Variants in PPP1R14C observed in about 807,000 individuals in gnomAD.
PPP1R14C encodes protein phosphatase 1 regulatory subunit 14C.
PPP1R14C carries 16 observed loss-of-function variants against 20.4 expected under a neutral mutation model. The observed-to-expected ratio is 0.78, with a 90% CI of 0.53 to 1.19. The LOEUF (loss-of-function observed/expected upper bound fraction) is 1.19. Among genes scored for constraint, PPP1R14C ranks in the 50% most tolerant of loss-of-function variants. The pLI is 0.00. For synonymous variants in PPP1R14C, 91 were observed against 91.0 expected, an observed-to-expected ratio of 1.00 and a Z score of 0.00; for missense variants, 211 against 220.1, an observed-to-expected ratio of 0.96 and a Z score of 0.26.
In PPP1R14C at chr6:150,176,163, C is replaced by T. The variant is rs983991684; in HGVS notation, c.306+32665C>T. ...AACAGGAGGGCTCTAGTGGGCACCC[C>T]GGGGTGAGGGAGTGTGGGGCATTGC... On this transcript the variant is annotated intron_variant, in intron 1 of 3. Coordinates refer to ENST00000361131, the MANE Select transcript of PPP1R14C (RefSeq NM_030949.3). 1.2e-4 allele frequency among the ~76,000 whole-genome samples: 19 copies of T among 152,236 alleles called. No homozygotes were observed. The South Asian group carries it at 2.1e-3, about 17-fold the overall frequency.
At chr6:150,159,198 C>T (rs1443269078) in intron 1 of PPP1R14C, among the ~76,000 whole-genome samples, 6 of 152,102 alleles carry the variant, frequency 3.9e-5, no homozygotes, top group Admixed American at 3.9e-4. Context: ...AGTCATGGAC[C>T]GTATACTGAA....
Position 150,170,327 on chromosome 6 carries a change from T to C in PPP1R14C, c.306+26829T>C, listed in dbSNP as rs539961635. On this transcript the variant is annotated intron_variant, in intron 1 of 3. Transcript: ENST00000361131. ...GTCATGTGCTAGTTACTTTTTTTTT[T>C]TTTTTCTTTTTTTGAGATGGAGTCT... Among the ~76,000 whole-genome samples, 32 of 151,852 alleles carry C rather than the reference T, an allele frequency of 2.1e-4. 1 individual carries two copies. The South Asian group carries it at 6.5e-3, about 31-fold the overall frequency.
chr6:150,245,556 A>G (rs986735192), intron 3 of PPP1R14C, among the ~76,000 whole-genome samples: 2 of 152,188 alleles, frequency 1.3e-5, no homozygotes, highest in East Asian at 3.8e-4. Context: ...GGCCCGCCAG[A>G]TCTTCCCAAG....
At chr6:150,158,014 T>C (rs1777323173) in intron 1 of PPP1R14C, among the ~76,000 whole-genome samples, 1 of 152,224 alleles carries the variant, frequency 6.6e-6, no homozygotes, top group Admixed American at 6.5e-5. Context: ...GGGAGCTGGC[T>C]TGGTCTATCT....
At chr6:150,199,560 C>T (rs796869260) in intron 1 of PPP1R14C, among the ~76,000 whole-genome samples, 36 of 152,286 alleles carry the variant, frequency 2.4e-4, no homozygotes, top group African/African-American at 8.4e-4. Context: ...ATCTTGGACT[C>T]CAGAACCAAG....
chr6:150,152,875 A>G (rs1777265925), intron 1 of PPP1R14C, among the ~76,000 whole-genome samples: 1 of 152,202 alleles, frequency 6.6e-6, no homozygotes. Flanking sequence ...TTGAAACGCT[A>G]GTCCCCAGAG....
intron 1 of PPP1R14C, among the ~76,000 whole-genome samples, 189 bp from the exon 2 acceptor site, chr6:150,214,555 C>A (rs1454851383): frequency 6.6e-6 from 1 of 151,222 alleles, no homozygotes; most frequent in South Asian, 2.1e-4. Context: ...TCCTCTTTAC[C>A]CCTTCATCCT....
At chr6:150,239,213 C>T (rs768096335) in intron 3 of PPP1R14C, among the ~76,000 whole-genome samples, 33 of 152,202 alleles carry the variant, frequency 2.2e-4, no homozygotes, top group Non-Finnish European at 4.7e-4. Context: ...GTCCAATATA[C>T]GTACAAGTTA....
At chr6:150,206,832 C>G (rs946648081) in intron 1 of PPP1R14C, among the ~76,000 whole-genome samples, 1 of 151,634 alleles carries the variant, frequency 6.6e-6, no homozygotes, top group Non-Finnish European at 1.5e-5. Context: ...CAGGTTCAGT[C>G]AGGCTATTTT....
chr6:150,188,758 T>C (rs931803150), intron 1 of PPP1R14C, among the ~76,000 whole-genome samples: 3 of 151,976 alleles, frequency 2.0e-5, no homozygotes, highest in Admixed American at 2.0e-4. Context: ...AGTGCTGAGA[T>C]TATAGGTGTG....
At chr6:150,177,482 G>A (rs1298612728) in intron 1 of PPP1R14C, among the ~76,000 whole-genome samples, 1 of 152,222 alleles carries the variant, frequency 6.6e-6, no homozygotes, top group East Asian at 1.9e-4. Flanking sequence ...AGGGTCATGT[G>A]TAGCACGTTC....
chr6:150,231,711 C>T (rs1382019913), intron 3 of PPP1R14C, among the ~76,000 whole-genome samples: 2 of 152,174 alleles, frequency 1.3e-5, no homozygotes, highest in Non-Finnish European at 2.9e-5. Context: ...ATTTTGTATG[C>T]ATTGTAACTG....
intron 1 of PPP1R14C, among the ~76,000 whole-genome samples, chr6:150,204,630 G>A (rs115903753): frequency 0.018 from 2,703 of 152,302 alleles, 89 homozygotes; most frequent in African/African-American, 0.062. Context: ...ATCCAGCCCC[G>A]AGAATTAGCT....
chr6:150,182,865 C>T (rs1013905210), intron 1 of PPP1R14C, among the ~76,000 whole-genome samples: 7 of 152,186 alleles, frequency 4.6e-5, no homozygotes, highest in Admixed American at 3.9e-4. Context: ...CTACGACACA[C>T]CTAGGTTCTA....
Position 150,201,728 on chromosome 6 carries a change from G to T in PPP1R14C, c.307-13016G>T, listed in dbSNP as rs1249783549. On this transcript the variant is annotated intron_variant, in intron 1 of 3. Coordinates refer to ENST00000361131, the MANE Select transcript of PPP1R14C (RefSeq NM_030949.3). This position sits in a 1 kb window ranked among gnomAD's most constrained non-coding sequence, Gnocchi z 4.2. ...CATGAGGGTGAGTTTATGGAAGCCAGTTAAGAGGCTCCTGCTATAGCTTAT... is the reference window on the plus strand; with the variant it reads ...CATGAGGGTGAGTTTATGGAAGCCATTTAAGAGGCTCCTGCTATAGCTTAT... Among the ~76,000 whole-genome samples the T allele has an allele frequency of 6.6e-6, 1 of 152,204 alleles. No homozygotes were observed. The highest frequency in any genetic ancestry group is 2.4e-5 in the African/African-American group (1 of 41,442).
chr6:150,248,024 G>A (rs1008529659), intron 3 of PPP1R14C, among the ~76,000 whole-genome samples: 14 of 152,240 alleles, frequency 9.2e-5, no homozygotes, highest in African/African-American at 3.1e-4. Flanking sequence ...GGGCCTTTTT[G>A]CTGCGTCATG....
intron 1 of PPP1R14C, among the ~76,000 whole-genome samples, chr6:150,205,756 C>T (rs1777940364): frequency 6.8e-6 from 1 of 148,076 alleles, no homozygotes; most frequent in African/African-American, 2.5e-5. Context: ...AGCACCACTA[C>T]ACTCCATCCT....
intron 3 of PPP1R14C, among the ~76,000 whole-genome samples, chr6:150,242,324 G>C (rs1414362131): frequency 2.5e-5 from 1 of 40,224 alleles, no homozygotes; most frequent in African/African-American, 3.6e-4. Flanking sequence ...TACAAGAAAA[G>C]AAATGTACAG....
intron 3 of PPP1R14C, among the ~76,000 whole-genome samples, chr6:150,218,522 A>G (rs1160651691): frequency 7.1e-6 from 1 of 140,428 alleles, no homozygotes; most frequent in African/African-American, 2.6e-5. Flanking sequence ...AAAAGGTAAC[A>G]GTGACTTTCT....
Sources: allele counts gnomAD v4.1 joint callset (sites outside exome capture counted in the v4.1 genomes callset), GRCh38; gene constraint gnomAD v4.1.1; non-coding constraint Gnocchi (gnomAD v3.1); transcripts MANE v1.5; gene names NCBI Gene and HGNC (gene_info 2026-07-23, HGNC 2026-07-21).